TBC1D8: variants seen among roughly 807,000 people sequenced by gnomAD.
The protein encoded by TBC1D8 is BUB2-like protein 1.
A neutral mutation model predicts 118.8 loss-of-function variants in TBC1D8; 65 were observed. That is an observed-to-expected ratio of 0.55 (90% CI 0.45 to 0.67). The LOEUF (loss-of-function observed/expected upper bound fraction) is 0.67, where lower values mean the gene tolerates loss of function less well. TBC1D8 is among the 30% of genes least tolerant of loss of function. The pLI is 0.00. For missense variants in TBC1D8, 1,376 were observed against 1,471.2 expected (o/e 0.94, Z 1.06); for synonymous variants, 566 against 595.8 (o/e 0.95, Z 0.73).
chr2:101,044,062 C>A (rs1681549633), intron 5 of TBC1D8, among the ~76,000 whole-genome samples: 1 of 152,240 alleles, frequency 6.6e-6, no homozygotes, highest in Non-Finnish European at 1.5e-5. Flanking sequence ...GGCTTCAGAG[C>A]AGCCTGGGCA....
chr2:101,126,775 A>T (rs1010362514), intron 1 of TBC1D8, among the ~76,000 whole-genome samples: 13 of 152,252 alleles, frequency 8.5e-5, no homozygotes, highest in African/African-American at 3.1e-4. Context: ...GAGAAAATGA[A>T]GATTGGTAAA....
chr2:101,106,440 CAT>C (rs1193675663), intron 1 of TBC1D8, among the ~76,000 whole-genome samples: 9 of 152,308 alleles, frequency 5.9e-5, no homozygotes, highest in East Asian at 3.9e-4. Flanking sequence ...CTGTACTACA[CAT>C]GTTTGAAACA....
At chr2:101,058,507 C>T (rs953449264) in intron 3 of TBC1D8, among the ~76,000 whole-genome samples, 5 of 152,164 alleles carry the variant, frequency 3.3e-5, no homozygotes, top group Non-Finnish European at 7.3e-5. Flanking sequence ...GAAACCATCT[C>T]TCCCAACCCG....
intron 19 of TBC1D8, among the ~76,000 whole-genome samples, chr2:101,009,647 C>T (rs1410210898): frequency 6.6e-6 from 1 of 151,880 alleles, no homozygotes; most frequent in Non-Finnish European, 1.5e-5. Context: ...CATCTGAGAG[C>T]AATTCCCAGC....
chr2:101,027,280 C>G, intron 15 of TBC1D8, 103 bp downstream of exon 15: 4 of 1,077,286 alleles, frequency 3.7e-6, no homozygotes, highest in Non-Finnish European at 5.6e-6. Context: ...CTCTGCTCCA[C>G]GGAGCCCTGC....
intron 1 of TBC1D8, among the ~76,000 whole-genome samples, chr2:101,147,116 A>C (rs1440369107): frequency 6.6e-6 from 1 of 152,216 alleles, no homozygotes; most frequent in Non-Finnish European, 1.5e-5. Flanking sequence ...CTTGAGGTCA[A>C]GAGTTCAAGA....
chr2:101,022,261 G>C lies in TBC1D8; in HGVS notation c.2761+20C>G. 1 of 1,613,220 alleles carries C rather than the reference G, an allele frequency of 6.2e-7. No individual in the cohort carries two copies. The highest frequency in any genetic ancestry group is 1.3e-5 in the African/African-American group (1 of 75,012). ...CCCACACCCCAAAGCACATCACTGC[G>C]AAATCCCACAGAGGCATACCGAGGC... On this transcript the variant is annotated intron_variant, in intron 16 of 19. Transcript: ENST00000409318.
At position 101,128,573 on chromosome 2, in the gene TBC1D8, C is replaced by T. The variant is rs551067519; in HGVS notation, c.127+22554G>A. ...TTAAGCACAGAATCACCATGTGATCCAGCAATTCCACTTCTGGGTCTATAC... is the reference window on the plus strand; with the variant it reads ...TTAAGCACAGAATCACCATGTGATCTAGCAATTCCACTTCTGGGTCTATAC... On this transcript the variant is annotated intron_variant, in intron 1 of 19. Transcript: ENST00000409318. Among the ~76,000 whole-genome samples the T allele has an allele frequency of 1.1e-4, 16 of 152,320 alleles. No individual in the cohort carries two copies. The South Asian group carries it at 3.3e-3, about 32-fold the overall frequency.
chr2:101,057,876 C>T (rs1558661953), intron 3 of TBC1D8, among the ~76,000 whole-genome samples: 1 of 152,162 alleles, frequency 6.6e-6, no homozygotes, highest in African/African-American at 2.4e-5. Flanking sequence ...AATCTTTTGT[C>T]AGTGTAATTT....
chr2:101,130,994 A>C (rs1184037309), intron 1 of TBC1D8, among the ~76,000 whole-genome samples: 1 of 152,216 alleles, frequency 6.6e-6, no homozygotes, highest in Non-Finnish European at 1.5e-5. Context: ...ATACACATCA[A>C]ATAATACACA....
At chr2:101,085,775 C>T (rs1039647419) in intron 2 of TBC1D8, among the ~76,000 whole-genome samples, 3 of 152,210 alleles carry the variant, frequency 2.0e-5, no homozygotes, top group South Asian at 4.1e-4. Flanking sequence ...AAAACAAGCA[C>T]TCACAGATGA....
intron 1 of TBC1D8, among the ~76,000 whole-genome samples, chr2:101,143,063 C>CTTT (rs11454446): frequency 9.3e-5 from 13 of 139,984 alleles, no homozygotes; most frequent in African/African-American, 1.3e-4. Context: ...CTTTCCTTTC[C>CTTT]TTTTTTTTTT....
At chr2:101,086,141 C>CAAA (rs1294886220) in intron 2 of TBC1D8, among the ~76,000 whole-genome samples, 8 of 113,000 alleles carry the variant, frequency 7.1e-5, no homozygotes, top group Admixed American at 9.4e-5. Context: ...GACTCTGTCT[C>CAAA]AAAAAAAAAA....
chr2:101,022,815 C>A (rs1410247809), intron 15 of TBC1D8, among the ~76,000 whole-genome samples: 4 of 152,094 alleles, frequency 2.6e-5, no homozygotes, highest in Admixed American at 2.6e-4. Flanking sequence ...TTATAGAAGA[C>A]ACACAATTTT....
At chr2:101,047,980 C>T (rs1233206132) in intron 5 of TBC1D8, among the ~76,000 whole-genome samples, 9 of 152,316 alleles carry the variant, frequency 5.9e-5, no homozygotes, top group South Asian at 4.1e-4. Flanking sequence ...GGAGCTGTGC[C>T]GGGATATCAG....
At chr2:101,109,848 T>C in intron 1 of TBC1D8, 1 of 985,450 alleles carries the variant, frequency 1.0e-6, no homozygotes, top group Non-Finnish European at 1.2e-6. Context: ...CAGTTCCATC[T>C]ACATTCAGAC....
chr2:101,131,099 T>C (rs997181300), intron 1 of TBC1D8, among the ~76,000 whole-genome samples: 5 of 152,162 alleles, frequency 3.3e-5, no homozygotes, highest in African/African-American at 1.2e-4. Context: ...GATGAGGTCT[T>C]GCTATGTTGT....
At chr2:101,142,349 T>C (rs1234731919) in intron 1 of TBC1D8, among the ~76,000 whole-genome samples, 1 of 152,184 alleles carries the variant, frequency 6.6e-6, no homozygotes, top group African/African-American at 2.4e-5. Flanking sequence ...GAAATAAATT[T>C]ATGTGTCGGG....
chr2:101,085,323 T>C (rs1421383731), intron 2 of TBC1D8, among the ~76,000 whole-genome samples: 3 of 151,912 alleles, frequency 2.0e-5, no homozygotes, highest in Non-Finnish European at 4.4e-5. Flanking sequence ...AGGGCATGGA[T>C]TCAGGAACAG....
Sources: gnomAD v4.1 joint callset for allele counts (sites outside exome capture counted in the v4.1 genomes callset) on GRCh38, gnomAD v4.1.1 for gene constraint, MANE v1.5 for transcripts, NCBI Gene and HGNC (gene_info 2026-07-23, HGNC 2026-07-21) for gene names.